LYPLAL1: variants seen among roughly 807,000 people sequenced by gnomAD.
LYPLAL1 encodes the protein lysophospholipase-like protein 1.
LYPLAL1 carries 23 observed loss-of-function variants against 19.7 expected under a neutral mutation model. That is an observed-to-expected ratio of 1.17 (90% confidence interval 0.84 to 1.65). LYPLAL1 has a LOEUF of 1.65. LYPLAL1 is among the 40% of genes most tolerant of loss of function. The pLI is 0.00. For synonymous variants in LYPLAL1, 119 were observed against 96.3 expected, an observed-to-expected ratio of 1.24 and a Z score of -1.38; for missense variants, 355 against 279.4, an observed-to-expected ratio of 1.27 and a Z score of -1.93.
rs762618682 is a variant in LYPLAL1, at chr1:219,173,919, A to C, written c.29A>C (p.Gln10Pro). 6.8e-6 allele frequency: 11 copies of C among 1,613,596 alleles called. No individual in the cohort carries two copies. The highest frequency in any genetic ancestry group is 1.7e-5 in the Admixed American group (1 of 60,016). Reference protein sequence around the residue: MAAASGSVLQRCIVSPAGRH... With the variant: MAAASGSVLPRCIVSPAGRH... ...GCGGCTGCGTCGGGGTCGGTTCTGC[A>C]GCGCTGTATCGTGTCGCCGGCAGGG... is the stretch of plus-strand genomic sequence containing the variant. The change falls in exon 1 of 5, where the codon CAG (glutamine) becomes CCG (proline). Residue 10 changes from glutamine (Q) to proline (P), a missense_variant. Coordinates refer to ENST00000366928, the MANE Select transcript of LYPLAL1 (RefSeq NM_138794.5).
chr1:219,291,191 A>G, the LYPLAL1 span, among the ~76,000 whole-genome samples: 1 of 152,202 alleles, frequency 6.6e-6, no homozygotes. Context: ...AAAATGTCAA[A>G]CAACAAAGGA....
the LYPLAL1 span, among the ~76,000 whole-genome samples, chr1:219,239,510 G>A: frequency 1.3e-5 from 2 of 152,188 alleles, no homozygotes; most frequent in Admixed American, 6.5e-5. Flanking sequence ...AAGCACTATC[G>A]GGATATAGAG....
At chr1:219,250,730 G>GT in the LYPLAL1 span, among the ~76,000 whole-genome samples, 1 of 151,894 alleles carries the variant, frequency 6.6e-6, no homozygotes, top group Non-Finnish European at 1.5e-5. Context: ...TTGATTTCAC[G>GT]TCTTTACTAT....
chr1:219,389,878 A>G, the LYPLAL1 span, among the ~76,000 whole-genome samples: 59 of 152,320 alleles, frequency 3.9e-4, no homozygotes, highest in East Asian at 0.011. Flanking sequence ...TAATAGCAAT[A>G]TTTTCCACTG....
chr1:219,420,261 T>G, the LYPLAL1 span, among the ~76,000 whole-genome samples: 1 of 152,204 alleles, frequency 6.6e-6, no homozygotes, highest in Non-Finnish European at 1.5e-5. Flanking sequence ...TTCAGAAAAT[T>G]CAGAATTACA....
rs1295365162 is a variant in LYPLAL1, at chr1:219,210,613, C to A, written c.443C>A (p.Ser148Tyr). ...GATGTGGCAGGAGTATTTGCTCTTT[C>A]TAGTTTTCTGAATAAAGCATCTGCT... ...HQDVAGVFAL[S>Y]SFLNKASAVY... Residue 148 changes from serine to tyrosine, a missense_variant, in exon 4 of 5, where the codon TCT becomes TAT. Physicochemically the swap from Ser to Tyr is moderately radical, Grantham distance 144. Coordinates refer to ENST00000366928, the MANE Select transcript of LYPLAL1 (RefSeq NM_138794.5). 1 of 1,609,400 alleles carries A rather than the reference C, an allele frequency of 6.2e-7. No individual in the cohort carries two copies.
chr1:219,257,735 G>A, the LYPLAL1 span, among the ~76,000 whole-genome samples: 1 of 152,052 alleles, frequency 6.6e-6, no homozygotes, highest in Admixed American at 6.6e-5. Context: ...GTGTTCAGCT[G>A]TGCACATATT....
In LYPLAL1 at chr1:219,211,841, TTTA is replaced by T. The variant is rs1459653258; in HGVS notation, c.*120_*122del. ...TAAGAAATAACACTTTCCTGACTTT[TTTA>T]TTATTAAAATGCTTATCACTGTAGA... is the stretch of plus-strand genomic sequence containing the variant. On this transcript the variant is annotated 3_prime_UTR_variant, in exon 5 of 5. Transcript: ENST00000366928. 18 of 685,982 alleles carry T rather than the reference TTTA, an allele frequency of 2.6e-5. No individual in the cohort carries two copies. The highest frequency in any genetic ancestry group is 1.1e-4 in the East Asian group (4 of 35,610). 42.5% of individuals were successfully genotyped at this position (685,982 alleles called of 1,614,324 possible).
the LYPLAL1 span, among the ~76,000 whole-genome samples, chr1:219,385,815 A>G: frequency 6.6e-6 from 1 of 152,206 alleles, no homozygotes; most frequent in Non-Finnish European, 1.5e-5. Context: ...TATAAATTAC[A>G]TACAGTTGGG....
At chr1:219,366,282 C>A in the LYPLAL1 span, among the ~76,000 whole-genome samples, 1 of 152,040 alleles carries the variant, frequency 6.6e-6, no homozygotes, top group African/African-American at 2.4e-5. Context: ...AGAAATAAGT[C>A]TAACATTAAA....
chr1:219,311,283 A>G, the LYPLAL1 span, among the ~76,000 whole-genome samples: 1 of 152,222 alleles, frequency 6.6e-6, no homozygotes, highest in Non-Finnish European at 1.5e-5. Flanking sequence ...ATGCAGCAAT[A>G]TCACCTGAAA....
the LYPLAL1 span, among the ~76,000 whole-genome samples, chr1:219,220,995 A>G: frequency 2.0e-5 from 3 of 152,186 alleles, no homozygotes; most frequent in Non-Finnish European, 4.4e-5. Context: ...TGTGTCAGAA[A>G]CATATGGTCA....
At chr1:219,329,028 T>C in the LYPLAL1 span, among the ~76,000 whole-genome samples, 1 of 152,194 alleles carries the variant, frequency 6.6e-6, no homozygotes, top group Non-Finnish European at 1.5e-5. Flanking sequence ...CAGAAGTTAT[T>C]TGGTAAATTT....
chr1:219,271,920 A>G, the LYPLAL1 span: 1 of 152,214 alleles, frequency 6.6e-6, no homozygotes, highest in African/African-American at 2.4e-5. Context: ...GTCTGTGAAA[A>G]CCAGCAGCTT....
At chr1:219,268,773 C>T in the LYPLAL1 span, among the ~76,000 whole-genome samples, 2 of 152,304 alleles carry the variant, frequency 1.3e-5, no homozygotes, top group Non-Finnish European at 2.9e-5. Context: ...CTTCATTATT[C>T]TGTAGTCACT....
the LYPLAL1 span, among the ~76,000 whole-genome samples, chr1:219,311,534 GTT>G: frequency 6.2e-5 from 9 of 144,974 alleles, no homozygotes; most frequent in Admixed American, 6.9e-5. Flanking sequence ...TGTTGTAGGT[GTT>G]TTTTTTTTTT....
chr1:219,421,410 C>T, the LYPLAL1 span, among the ~76,000 whole-genome samples: 1 of 152,176 alleles, frequency 6.6e-6, no homozygotes, highest in Non-Finnish European at 1.5e-5. Flanking sequence ...GCCGAAGTTG[C>T]ATTCATAGCC....
chr1:219,317,307 G>A, the LYPLAL1 span, among the ~76,000 whole-genome samples: 551 of 152,158 alleles, frequency 3.6e-3, 3 homozygotes, highest in South Asian at 0.014. Context: ...TCACTATTTC[G>A]TGTTTCAACA....
chr1:219,182,140 G>A (rs1656344927), intron 2 of LYPLAL1, among the ~76,000 whole-genome samples: 1 of 152,148 alleles, frequency 6.6e-6, no homozygotes, highest in African/African-American at 2.4e-5. Context: ...GCAATAGATT[G>A]AGTGAGCACC....
Sources: gnomAD v4.1 joint callset for allele counts (sites outside exome capture counted in the v4.1 genomes callset) on GRCh38, gnomAD v4.1.1 for gene constraint, MANE v1.5 for transcripts, NCBI Gene and HGNC (gene_info 2026-07-23, HGNC 2026-07-21) for gene names.